MYRFL: variants seen among roughly 807,000 people sequenced by gnomAD.
MYRFL encodes the protein myelin regulatory factor-like protein.
Under a neutral mutation model 109.4 loss-of-function variants are expected in MYRFL, and 88 were observed. That is an observed-to-expected ratio of 0.80 (90% CI 0.68 to 0.96). The LOEUF (loss-of-function observed/expected upper bound fraction) is 0.96. MYRFL is among the 40% of genes least tolerant of loss of function. The pLI is 0.00. For missense variants in MYRFL, 957 were observed against 954.9 expected (o/e 1.00, Z -0.03); for synonymous variants, 324 against 320.9 (o/e 1.01, Z -0.10).
chr12:69,875,656 C>T (rs1354451585), intron 2 of MYRFL, among the ~76,000 whole-genome samples: 1 of 152,164 alleles, frequency 6.6e-6, no homozygotes, highest in African/African-American at 2.4e-5. Flanking sequence ...GGCATTAGAG[C>T]GGCATTAGGA....
At chr12:69,922,581 G>GA (rs1048216289) in intron 13 of MYRFL, among the ~76,000 whole-genome samples, 3 of 151,732 alleles carry the variant, frequency 2.0e-5, no homozygotes, top group Non-Finnish European at 4.4e-5. Context: ...ACTCACCAGC[G>GA]ACCCTCTTCC....
chr12:69,945,212 C>T (rs1047942586), intron 19 of MYRFL, among the ~76,000 whole-genome samples: 3 of 151,986 alleles, frequency 2.0e-5, no homozygotes, highest in Admixed American at 1.3e-4. Flanking sequence ...TTTAGTATAG[C>T]CTAAATATAT....
At chr12:69,850,535 A>C (rs1336199132) in intron 1 of MYRFL, among the ~76,000 whole-genome samples, 2 of 152,164 alleles carry the variant, frequency 1.3e-5, no homozygotes, top group Non-Finnish European at 2.9e-5. Context: ...GAAAATGACT[A>C]AAAAGTTGAA....
chr12:69,853,650 G>C (rs1352603221), intron 1 of MYRFL, among the ~76,000 whole-genome samples: 1 of 146,136 alleles, frequency 6.8e-6, no homozygotes, highest in African/African-American at 2.6e-5. Context: ...TGGGCAGAGG[G>C]GCTCCTCACA....
chr12:69,956,766 G>T (rs1162228363), intron 22 of MYRFL, among the ~76,000 whole-genome samples: 1 of 152,062 alleles, frequency 6.6e-6, no homozygotes, highest in South Asian at 2.1e-4. Flanking sequence ...GCCTTGGAAA[G>T]GTTTCTTTTA....
chr12:69,951,976 G>T, intron 19 of MYRFL, 137 bp from the exon 20 acceptor site: 1 of 685,226 alleles, frequency 1.5e-6, no homozygotes, highest in Non-Finnish European at 2.5e-6. Flanking sequence ...ACAGGATAGA[G>T]ATTAGATGAG....
chr12:69,938,035 A>T (rs537080902), intron 19 of MYRFL, among the ~76,000 whole-genome samples: 1 of 152,206 alleles, frequency 6.6e-6, no homozygotes, highest in Non-Finnish European at 1.5e-5. Flanking sequence ...CACTACAGCA[A>T]TAGGAGACAA....
intron 13 of MYRFL, among the ~76,000 whole-genome samples, chr12:69,911,851 G>T (rs1954582139): frequency 6.6e-6 from 1 of 152,162 alleles, no homozygotes; most frequent in Non-Finnish European, 1.5e-5. Context: ...AGTTAATGGA[G>T]GTAATGCTCC....
At chr12:69,879,766 G>A (rs1188069605) in intron 4 of MYRFL, among the ~76,000 whole-genome samples, 5 of 152,192 alleles carry the variant, frequency 3.3e-5, no homozygotes, top group African/African-American at 1.2e-4. Context: ...GATTGTGAAT[G>A]AGCTCTCCGA....
intron 19 of MYRFL, among the ~76,000 whole-genome samples, chr12:69,948,404 T>A (rs889553719): frequency 6.6e-6 from 1 of 152,204 alleles, no homozygotes; most frequent in South Asian, 2.1e-4. Flanking sequence ...CTCCAGGACC[T>A]GAAAACACAG....
At chr12:69,834,847 G>A (rs987114242) in intron 1 of MYRFL, among the ~76,000 whole-genome samples, 4 of 152,172 alleles carry the variant, frequency 2.6e-5, no homozygotes, top group Non-Finnish European at 4.4e-5. Context: ...TATTGCAAAA[G>A]GTTCAGCTTT....
intron 19 of MYRFL, among the ~76,000 whole-genome samples, chr12:69,939,290 C>T (rs2120497918): frequency 6.6e-6 from 1 of 152,260 alleles, no homozygotes; most frequent in South Asian, 2.1e-4. Context: ...TTAAATGTCC[C>T]TGTCTGACAG....
At chr12:69,889,580 C>T (rs574345206) in intron 6 of MYRFL, among the ~76,000 whole-genome samples, 5 of 152,222 alleles carry the variant, frequency 3.3e-5, no homozygotes, top group African/African-American at 4.8e-5. Context: ...ATCGGCTGGG[C>T]GCAGTGGCTC....
At chr12:69,843,934 A>G (rs1883383347) in intron 1 of MYRFL, among the ~76,000 whole-genome samples, 1 of 152,098 alleles carries the variant, frequency 6.6e-6, no homozygotes, top group Non-Finnish European at 1.5e-5. Context: ...TTTCAAACTG[A>G]GCCTCCCTGA....
intron 2 of MYRFL, among the ~76,000 whole-genome samples, chr12:69,862,552 T>C (rs1380295652): frequency 2.0e-5 from 3 of 150,058 alleles, no homozygotes; most frequent in Non-Finnish European, 3.0e-5. Flanking sequence ...TCTCCGTTTG[T>C]CTGTTGTTGG....
intron 1 of MYRFL, among the ~76,000 whole-genome samples, chr12:69,846,355 A>G (rs1271518901): frequency 7.2e-6 from 1 of 139,016 alleles, no homozygotes; most frequent in Non-Finnish European, 1.5e-5. Context: ...CCACCCCACA[A>G]TAGTCCCCAG....
rs540422932 is a variant in MYRFL, at chr12:69,872,821, A to C, written c.138-6207A>C. 5.9e-5 allele frequency among the ~76,000 whole-genome samples: 9 copies of C among 152,042 alleles called. No individual in the cohort carries two copies. In the East Asian group the frequency reaches 1.8e-3, roughly 30 times the overall value. On this transcript the variant is annotated intron_variant, in intron 2 of 24. Transcript: ENST00000552032. ...GCCTTTACATTTTGTTTTTAGAGAC[A>C]GGGTCTCACTATGTTGCTGAAGCTG...
intron 7 of MYRFL, among the ~76,000 whole-genome samples, chr12:69,891,600 TC>T (rs1886827987): frequency 1.5e-5 from 2 of 134,712 alleles, no homozygotes; most frequent in South Asian, 2.5e-4. Context: ...TTTCTTTCTT[TC>T]TTTCTCTTTC....
intron 6 of MYRFL, 89 bp downstream of exon 6, chr12:69,887,059 C>T: frequency 7.2e-7 from 1 of 1,387,594 alleles, no homozygotes; most frequent in Non-Finnish European, 9.7e-7. Flanking sequence ...TTTGATGTCA[C>T]CTCTGGTCAA....
Sources: allele counts gnomAD v4.1 joint callset (sites outside exome capture counted in the v4.1 genomes callset), GRCh38; gene constraint gnomAD v4.1.1; transcripts MANE v1.5; gene names NCBI Gene and HGNC (gene_info 2026-07-23, HGNC 2026-07-21).